Variants in HMCN1 observed in about 807,000 individuals in gnomAD.
HMCN1 encodes hemicentin-1.
In HMCN1, 321 loss-of-function variants were observed where a neutral mutation model predicts 625.9. The ratio of observed to expected loss-of-function variants is 0.51; its 90% CI spans 0.47 to 0.56. The LOEUF is 0.56. Among genes scored for constraint, HMCN1 ranks in the 20% least tolerant of loss-of-function variants. HMCN1 has a pLI of 0.00. For synonymous variants in HMCN1, 2,425 were observed against 2,417.6 expected (o/e 1.00, Z -0.09); for missense variants, 6,588 against 6,887.3 (o/e 0.96, Z 1.54).
chr1:186,027,453 G>T (rs946016231), intron 36 of HMCN1, among the ~76,000 whole-genome samples: 1 of 152,110 alleles, frequency 6.6e-6, no homozygotes, highest in African/African-American at 2.4e-5. Context: ...ATTAACCAAG[G>T]TGAAACACCC....
chr1:185,819,140 A>G (rs924504064), intron 1 of HMCN1, among the ~76,000 whole-genome samples: 7 of 151,734 alleles, frequency 4.6e-5, no homozygotes, highest in Non-Finnish European at 8.8e-5. Flanking sequence ...GGGAGGCTGA[A>G]GTAGGAGAAT....
rs534858367 is a variant in HMCN1 at position 185,889,918 on chromosome 1, C to T, written c.622-19419C>T. 8.1e-5 allele frequency among the ~76,000 whole-genome samples: 12 copies of T among 147,962 alleles called. No individual in the cohort carries two copies. The East Asian group carries it at 1.7e-3, about 21-fold the overall frequency. On this transcript the variant is annotated intron_variant, in intron 4 of 106. Transcript: ENST00000271588. ...TCCTCCTTGTACCTCTGGTAGAATTCGGCTGTGAATCCATCTGGTCTTTGA... is the reference window on the plus strand; with the variant it reads ...TCCTCCTTGTACCTCTGGTAGAATTTGGCTGTGAATCCATCTGGTCTTTGA...
At chr1:186,045,936 G>C (rs138700600) in intron 41 of HMCN1, 73 bp downstream of exon 41, 2 of 1,069,522 alleles carry the variant, frequency 1.9e-6, no homozygotes, top group Admixed American at 3.8e-5. Context: ...CCTATTTAGC[G>C]TGACTGTCTT....
chr1:185,867,122 A>C (rs1026942823), intron 4 of HMCN1, among the ~76,000 whole-genome samples: 3 of 152,302 alleles, frequency 2.0e-5, no homozygotes, highest in South Asian at 4.1e-4. Context: ...CTAGCGAAAA[A>C]TTTTTTTAAT....
chr1:185,989,400 T>C, intron 20 of HMCN1, 88 bp from the exon 21 acceptor site: 1 of 1,482,042 alleles, frequency 6.7e-7, no homozygotes, highest in Non-Finnish European at 9.4e-7. Context: ...TTTTTCTCTC[T>C]ATTCCTCTTC....
chr1:185,827,171 C>CAAAAA, intron 1 of HMCN1, among the ~76,000 whole-genome samples: 1 of 43,186 alleles, frequency 2.3e-5, no homozygotes, highest in South Asian at 7.8e-4. Context: ...GACTCCATCT[C>CAAAAA]AAAAAAAAAA....
At chr1:186,069,887 G>C in intron 51 of HMCN1, 111 bp downstream of exon 51, 2 of 739,234 alleles carry the variant, frequency 2.7e-6, no homozygotes, top group Non-Finnish European at 4.8e-6. Flanking sequence ...TTAAAGACTT[G>C]TTTGTGCAGC....
chr1:186,132,934 T>C (rs1662023339), intron 86 of HMCN1, among the ~76,000 whole-genome samples: 1 of 152,148 alleles, frequency 6.6e-6, no homozygotes, highest in South Asian at 2.1e-4. Flanking sequence ...GAATGATGGT[T>C]TCCAGCTTCA....
intron 19 of HMCN1, among the ~76,000 whole-genome samples, chr1:185,985,583 TA>T (rs1651952687): frequency 2.0e-5 from 3 of 152,194 alleles, no homozygotes. Flanking sequence ...GTTTTAATAT[TA>T]AAAATTAAGA....
At chr1:186,057,031 TCACACA>T (rs59926356) in intron 45 of HMCN1, among the ~76,000 whole-genome samples, 197 bp from the exon 46 acceptor site, 92 of 148,018 alleles carry the variant, frequency 6.2e-4, no homozygotes, top group African/African-American at 1.6e-3. Flanking sequence ...TCCAGGAATG[TCACACA>T]CACACACACA....
chr1:185,961,947 GT>G (rs1360698267), intron 11 of HMCN1, among the ~76,000 whole-genome samples: 2 of 152,074 alleles, frequency 1.3e-5, no homozygotes, highest in African/African-American at 4.8e-5. Flanking sequence ...TCCATCAAAA[GT>G]TTTAAGTGTC....
intron 18 of HMCN1, among the ~76,000 whole-genome samples, chr1:185,983,039 T>C (rs898564017): frequency 6.6e-6 from 1 of 152,138 alleles, no homozygotes; most frequent in Admixed American, 6.6e-5. Context: ...TTGTAGTACA[T>C]TGTTAAACGT....
At chr1:186,097,242 A>G (rs1660177649) in intron 68 of HMCN1, among the ~76,000 whole-genome samples, 1 of 152,178 alleles carries the variant, frequency 6.6e-6, no homozygotes, top group South Asian at 2.1e-4. Context: ...GCCAACAGCA[A>G]ATTGTCTGAA....
chr1:185,736,443 G>A (rs2102059309), intron 1 of HMCN1, among the ~76,000 whole-genome samples: 1 of 152,314 alleles, frequency 6.6e-6, no homozygotes, highest in Middle Eastern at 3.4e-3. Flanking sequence ...TGCCAACTGT[G>A]ATGCAGTTTG....
intron 22 of HMCN1, among the ~76,000 whole-genome samples, chr1:185,991,683 G>T (rs1652434827): frequency 6.6e-6 from 1 of 150,996 alleles, no homozygotes; most frequent in Non-Finnish European, 1.5e-5. Flanking sequence ...CTTTATTTAT[G>T]GACATTCTGG....
intron 4 of HMCN1, among the ~76,000 whole-genome samples, chr1:185,908,333 G>A (rs1191596968): frequency 6.6e-6 from 1 of 151,882 alleles, no homozygotes. Flanking sequence ...TTCAAAAAAT[G>A]TTTTTGTTTA....
intron 2 of HMCN1, among the ~76,000 whole-genome samples, chr1:185,858,497 G>A (rs1206352672): frequency 1.4e-5 from 2 of 142,778 alleles, no homozygotes; most frequent in African/African-American, 5.3e-5. Context: ...GCATAATCAT[G>A]GTTCACTGCA....
chr1:186,178,500 CAGGACAACATTT>C lies in HMCN1; in HGVS notation c.16030_16041del (p.Gly5344_Leu5347del). On this transcript the variant is annotated inframe_deletion, in exon 104 of 107. Coordinates refer to ENST00000271588, the MANE Select transcript of HMCN1 (RefSeq NM_031935.3). ...GGCAGCTTCAAGTGTATCTGTCCAC[CAGGACAACATTT>C]ATTAGGGGACGGGAAATCTTGCGCT... The C allele has an allele frequency of 6.2e-7, 1 of 1,614,062 alleles. No homozygotes were observed. The highest frequency in any genetic ancestry group is 1.1e-5 in the South Asian group (1 of 91,068).
chr1:185,974,286 G>A (rs2101980420), intron 15 of HMCN1, among the ~76,000 whole-genome samples: 1 of 152,218 alleles, frequency 6.6e-6, no homozygotes, highest in East Asian at 1.9e-4. Flanking sequence ...TTAAACTCCA[G>A]TTGAGATTTA....
Sources: allele counts gnomAD v4.1 joint callset (sites outside exome capture counted in the v4.1 genomes callset), GRCh38; gene constraint gnomAD v4.1.1; transcripts MANE v1.5; gene names NCBI Gene and HGNC (gene_info 2026-07-23, HGNC 2026-07-21).